CASP5: variants seen among roughly 807,000 people sequenced by gnomAD.
The protein encoded by CASP5 is caspase-5.
CASP5 carries 42 observed loss-of-function variants against 45.2 expected under a neutral mutation model. The observed-to-expected ratio is 0.93, with a 90% CI of 0.73 to 1.20. The LOEUF is 1.20. Ranked by LOEUF, CASP5 falls within the 50% of genes most tolerant of loss-of-function variation. The probability of loss-of-function intolerance (pLI) is 0.00; values close to 1 mark genes in which losing one functional copy is unlikely to be tolerated. For synonymous variants in CASP5, 209 were observed against 186.2 expected (o/e 1.12, Z -1.00); for missense variants, 512 against 532.2 (o/e 0.96, Z 0.37).
chr11:105,022,025 T>C (rs1862991989), intron 1 of CASP5, among the ~76,000 whole-genome samples: 1 of 150,600 alleles, frequency 6.6e-6, no homozygotes. Flanking sequence ...ATGGATGAAA[T>C]TGGAAATCAT....
intron 1 of CASP5, among the ~76,000 whole-genome samples, chr11:105,022,270 C>T (rs524048): frequency 0.15 from 23,096 of 151,008 alleles, 2,032 homozygotes; most frequent in Admixed American, 0.25. Flanking sequence ...TGTAACTAAC[C>T]TGCACATTGT....
At chr11:105,022,702 A>T (rs1362101768) in intron 1 of CASP5, among the ~76,000 whole-genome samples, 2 of 152,182 alleles carry the variant, frequency 1.3e-5, no homozygotes, top group African/African-American at 4.8e-5. Flanking sequence ...ATTCAAGATA[A>T]GAGATGACAA....
chr11:105,009,151 A>G (rs1348608786), intron 1 of CASP5, 171 bp from the exon 2 acceptor site: 1 of 631,518 alleles, frequency 1.6e-6, no homozygotes, highest in South Asian at 2.0e-5. Context: ...CTCACCCATC[A>G]AATTCCTACC....
chr11:104,999,276 C>T (rs1459330331), intron 6 of CASP5, among the ~76,000 whole-genome samples: 1 of 152,076 alleles, frequency 6.6e-6, no homozygotes, highest in Admixed American at 6.6e-5. Flanking sequence ...CATTGTTCAA[C>T]CCTCACTTAT....
chr11:105,014,346 G>T (rs1160430359), intron 1 of CASP5, among the ~76,000 whole-genome samples: 1 of 151,940 alleles, frequency 6.6e-6, no homozygotes, highest in Non-Finnish European at 1.5e-5. Flanking sequence ...GACAATGTCA[G>T]AGGTACATGC....
intron 1 of CASP5, among the ~76,000 whole-genome samples, chr11:105,011,509 T>A (rs948690925): frequency 1.3e-5 from 2 of 151,668 alleles, no homozygotes; most frequent in Non-Finnish European, 3.0e-5. Flanking sequence ...AGTTAATGTG[T>A]CCTGTTTATG....
At chr11:105,012,361 C>T (rs1197247709) in intron 1 of CASP5, among the ~76,000 whole-genome samples, 3 of 151,666 alleles carry the variant, frequency 2.0e-5, no homozygotes, top group African/African-American at 7.3e-5. Flanking sequence ...CTTAATGACA[C>T]TGGTATAGAC....
chr11:104,994,306 T>C lies in CASP5; in HGVS notation c.*46A>G, dbSNP rs1425165680. On this transcript the variant is annotated 3_prime_UTR_variant, in exon 10 of 10. Coordinates refer to ENST00000260315, the MANE Select transcript of CASP5 (RefSeq NM_004347.5). ...ATGCAAGCTATACTGGTAAATGTGC[T>C]CTTTGATGTTGACAGAGGAGGGCTG... The C allele has an allele frequency of 5.9e-5, 9 of 152,334 alleles. No homozygotes were observed. The highest frequency in any genetic ancestry group is 1.4e-4 in the African/African-American group (6 of 41,580). 9.4% of individuals were successfully genotyped at this position (152,334 alleles called of 1,614,324 possible). A position where few individuals can be genotyped will look rare whatever the true frequency, so the allele number is the denominator to read the frequency against.
chr11:105,015,766 AT>A (rs1378406840), intron 1 of CASP5, among the ~76,000 whole-genome samples: 5 of 147,690 alleles, frequency 3.4e-5, no homozygotes, highest in South Asian at 2.1e-4. Context: ...AAAAAAAAAA[AT>A]TTAAAAGCAA....
chr11:105,015,653 C>A (rs898840531), intron 1 of CASP5, among the ~76,000 whole-genome samples: 1 of 151,934 alleles, frequency 6.6e-6, no homozygotes, highest in Non-Finnish European at 1.5e-5. Flanking sequence ...CTCCAGTCTA[C>A]GACCAGTAAA....
intron 1 of CASP5, among the ~76,000 whole-genome samples, chr11:105,009,748 T>C (rs113619637): frequency 4.7e-4 from 31 of 65,784 alleles, no homozygotes; most frequent in African/African-American, 1.4e-3. Context: ...TATATATATA[T>C]ATATATATAT....
intron 3 of CASP5, among the ~76,000 whole-genome samples, chr11:105,005,219 C>G (rs967179149): frequency 6.6e-6 from 1 of 152,054 alleles, no homozygotes; most frequent in African/African-American, 2.4e-5. Context: ...GCTCAGGAAT[C>G]TCTTAACATT....
At chr11:105,023,038 T>A in intron 1 of CASP5, 92 bp downstream of exon 1, 1 of 1,191,608 alleles carries the variant, frequency 8.4e-7, no homozygotes, top group Non-Finnish European at 1.2e-6. Flanking sequence ...TTGATTTCCC[T>A]TTTGGTATTT....
intron 7 of CASP5, 128 bp downstream of exon 7, chr11:104,998,757 A>G: frequency 1.1e-6 from 1 of 897,330 alleles, no homozygotes; most frequent in East Asian, 2.5e-5. Flanking sequence ...AAGATCATGC[A>G]AAATATATAG....
At chr11:105,017,256 T>A (rs1862670065) in intron 1 of CASP5, among the ~76,000 whole-genome samples, 1 of 152,140 alleles carries the variant, frequency 6.6e-6, no homozygotes, top group Admixed American at 6.5e-5. Context: ...GCGACTCTCC[T>A]CCTCCAAAGG....
intron 3 of CASP5, among the ~76,000 whole-genome samples, chr11:105,005,105 C>G (rs181966586): frequency 1.4e-4 from 21 of 152,008 alleles, no homozygotes; most frequent in African/African-American, 5.1e-4. Context: ...TTTCTATTAG[C>G]CTGGCAGTGC....
rs1353878247 is a variant in CASP5 at position 105,003,284 on chromosome 11, T to A, written c.533A>T (p.Asn178Ile). The change falls in exon 4 of 10, where the codon AAT becomes ATT. Residue 178 changes from asparagine (N) to isoleucine (I), a missense_variant. Physicochemically the swap from Asn to Ile is moderately radical, Grantham distance 149. Transcript: ENST00000260315. ...REEFLRLCKKNHDEIYPIKKR... is the reference protein window; with the variant it reads ...REEFLRLCKKIHDEIYPIKKR... ...CAGAGAGCACAGCACCTCATCATGA[T>A]TTTTTTTACACAGTCTCAGGAATTC... 2 of 1,579,870 alleles carry A rather than the reference T, an allele frequency of 1.3e-6. No individual in the cohort carries two copies. The highest frequency in any genetic ancestry group is 1.1e-5 in the South Asian group (1 of 89,424).
rs1591184699 is a variant in CASP5 at position 105,023,126 on chromosome 11, T to TCAC, written c.7+1_7+3dup. ...CTGCTAGTCAGAAAAGGGCCCAGAC[T>TCAC]CACCAGCCATAGCTAACAGCCTCTG... On this transcript the variant is annotated splice_donor_region_variant and intron_variant, in intron 1 of 9. Coordinates refer to ENST00000260315, the MANE Select transcript of CASP5 (RefSeq NM_004347.5). The TCAC allele has an allele frequency of 6.4e-7, 1 of 1,551,064 alleles. No individual in the cohort carries two copies. The highest frequency in any genetic ancestry group is 1.2e-5 in the South Asian group (1 of 84,044).
chr11:105,018,765 G>A (rs770833084), intron 1 of CASP5, among the ~76,000 whole-genome samples: 28 of 141,622 alleles, frequency 2.0e-4, no homozygotes, highest in Non-Finnish European at 3.7e-4. Flanking sequence ...AAGTCAACAA[G>A]GATACCCAGG....
Sources: allele counts gnomAD v4.1 joint callset (sites outside exome capture counted in the v4.1 genomes callset), GRCh38; gene constraint gnomAD v4.1.1; transcripts MANE v1.5; gene names NCBI Gene and HGNC (gene_info 2026-07-23, HGNC 2026-07-21).